RPL6: variants seen among roughly 807,000 people sequenced by gnomAD.
RPL6 encodes large ribosomal subunit protein eL6.
A neutral mutation model predicts 32.1 loss-of-function variants in RPL6; 1 was observed. The ratio of observed to expected loss-of-function variants is 0.03; its 90% CI spans 0.01 to 0.15. RPL6 has a LOEUF of 0.15. RPL6 is among the 10% of genes least tolerant of loss of function. The pLI, the probability that RPL6 is intolerant of heterozygous loss-of-function variation, is 1.00. For synonymous variants in RPL6, 126 were observed against 131.6 expected (o/e 0.96, Z 0.29); for missense variants, 275 against 354.6 (o/e 0.78, Z 1.80).
upstream of RPL6, among the ~76,000 whole-genome samples, chr12:112,410,830 C>T (rs1046181834): frequency 6.6e-6 from 1 of 152,058 alleles, no homozygotes; most frequent in Non-Finnish European, 1.5e-5. Flanking sequence ...CCGCCTCAGC[C>T]TCCCAAAGTG....
chr12:112,410,248 G>A (rs1321988029), upstream of RPL6: 2 of 224,332 alleles, frequency 8.9e-6, no homozygotes, highest in African/African-American at 4.6e-5. Flanking sequence ...GAGTCTTGGA[G>A]GTCTGGGCTG....
At chr12:112,409,533 C>A in intron 1 of RPL6, 54 bp downstream of exon 1, 1 of 398,510 alleles carries the variant, frequency 2.5e-6, no homozygotes, top group Non-Finnish European at 4.4e-6. Context: ...GTTCGGATGG[C>A]GAAGGATTGG....
At chr12:112,418,730 G>A (rs966616210) in exon 1 of RPL6, 39 of 358,736 alleles carry the variant, frequency 1.1e-4, no homozygotes, top group African/African-American at 8.1e-4. Flanking sequence ...GCTCACACCT[G>A]GCGGCCGCGG....
At chr12:112,417,182 G>A (rs1368291935) in intron 1 of RPL6, among the ~76,000 whole-genome samples, 5 of 151,682 alleles carry the variant, frequency 3.3e-5, no homozygotes, top group South Asian at 2.1e-4. Flanking sequence ...CTCAGCCTCC[G>A]GAGTAGCTGG....
At chr12:112,412,620 C>T (rs1440112685), upstream of RPL6, among the ~76,000 whole-genome samples, 2 of 151,984 alleles carry the variant, frequency 1.3e-5, no homozygotes, top group African/African-American at 4.8e-5. Flanking sequence ...GAGTACAGTG[C>T]ACACCACCAT....
intron 1 of RPL6, chr12:112,418,616 G>A (rs1054908564): frequency 2.8e-5 from 7 of 253,072 alleles, no homozygotes; most frequent in Non-Finnish European, 5.4e-5. Flanking sequence ...ATTTCCCCAA[G>A]GTTCCACAGC....
At position 112,408,324 on chromosome 12, in the gene RPL6, CTTT is replaced by C. The variant is rs1566143097; in HGVS notation, c.249_251del (p.Lys85del). ...TAACAGTTGCGAGAACCTTCTCCTT[CTTT>C]TTCTTTTCAACCTACAAGGACACAA... On this transcript the variant is annotated inframe_deletion, in exon 3 of 7. Coordinates refer to ENST00000202773, the MANE Select transcript of RPL6 (RefSeq NM_000970.6). The C allele has an allele frequency of 1.9e-6, 3 of 1,613,816 alleles. No individual in the cohort carries two copies. The South Asian group carries it at 3.3e-5, about 18-fold the overall frequency.
chr12:112,415,558 C>CA (rs1480038355), intron 1 of RPL6, among the ~76,000 whole-genome samples: 8 of 151,518 alleles, frequency 5.3e-5, no homozygotes, highest in Non-Finnish European at 7.4e-5. Context: ...ACTAAAGATA[C>CA]AAAAAAAATT....
chr12:112,409,385 G>A (rs138594032), intron 1 of RPL6: 74 of 397,964 alleles, frequency 1.9e-4, no homozygotes, highest in Non-Finnish European at 2.8e-4. Flanking sequence ...AGAACCGGAG[G>A]GAGCCACTAC....
At chr12:112,417,721 G>A (rs1172169476) in intron 1 of RPL6, among the ~76,000 whole-genome samples, 3 of 151,232 alleles carry the variant, frequency 2.0e-5, no homozygotes, top group Admixed American at 1.3e-4. Context: ...GCAGTGGCGC[G>A]ATCTCGGCTT....
At chr12:112,405,547 A>C in intron 6 of RPL6, 171 bp from the exon 7 acceptor site, 1 of 722,956 alleles carries the variant, frequency 1.4e-6, no homozygotes, top group East Asian at 2.7e-5. Flanking sequence ...CCCATTTTTT[A>C]ATGTAATAAA....
At chr12:112,406,194 A>T (rs2233861) in intron 5 of RPL6, 100 bp downstream of exon 5, 295,551 of 1,235,424 alleles carry the variant, frequency 0.24, 55,051 homozygotes, top group East Asian at 0.83. Context: ...ACTTGTGGCA[A>T]TAAGTGTCTA....
In RPL6 at chr12:112,408,672, T is replaced by C. The variant is rs1231823600; in HGVS notation, c.1-16A>G. The C allele has an allele frequency of 2.6e-6, 4 of 1,556,852 alleles. No individual in the cohort carries two copies. In the Admixed American group the frequency reaches 6.1e-5, roughly 24 times the overall value. ...CACCCGCCATCTAAAAATATTTTTTTGTAGATAAAAAAAGGCATTTCACCA... is the reference window on the plus strand; with the variant it reads ...CACCCGCCATCTAAAAATATTTTTTCGTAGATAAAAAAAGGCATTTCACCA... On this transcript the variant is annotated splice_polypyrimidine_tract_variant and intron_variant, in intron 1 of 6. Transcript: ENST00000202773.
At chr12:112,408,051 C>T (rs2037229424) in intron 3 of RPL6, 189 bp downstream of exon 3, 1 of 596,574 alleles carries the variant, frequency 1.7e-6, no homozygotes. Context: ...AGGAACAAAG[C>T]ACAGACGAGT....
chr12:112,413,768 G>GTAAT (rs1223706045), upstream of RPL6, among the ~76,000 whole-genome samples: 1 of 151,506 alleles, frequency 6.6e-6, no homozygotes. Flanking sequence ...GCTCATGCCT[G>GTAAT]TAATCCTAGC....
chr12:112,409,293 G>A (rs374820267), intron 1 of RPL6: 1 of 391,936 alleles, frequency 2.6e-6, no homozygotes, highest in African/African-American at 2.1e-5. Flanking sequence ...TGCACGCGCC[G>A]TCTCCCCGCT....
rs915763216 is a variant in RPL6 at position 112,406,491 on chromosome 12, T to C, written c.481-149A>G. On this transcript the variant is annotated intron_variant, in intron 4 of 6. Coordinates refer to ENST00000202773, the MANE Select transcript of RPL6 (RefSeq NM_000970.6). The stretch of plus-strand genomic sequence containing the variant: ...AGTTCTGGAAGCAACCACAGCAAGC[T>C]ACTAAGGTAGTACTCCAGACATAAA... The C allele has an allele frequency of 3.7e-6, 3 of 807,210 alleles. No homozygotes were observed. The Admixed American group carries it at 8.0e-5, about 22-fold the overall frequency. The allele number at this position is 807,210 out of a possible 1,614,324, so 50.0% of individuals were successfully genotyped here.
upstream of RPL6, among the ~76,000 whole-genome samples, chr12:112,412,041 G>A (rs1169080033): frequency 6.6e-6 from 1 of 151,140 alleles, no homozygotes; most frequent in Non-Finnish European, 1.5e-5. Flanking sequence ...TACCACACCT[G>A]GCTAATTTTT....
chr12:112,415,042 G>A (rs1159416005), upstream of RPL6, among the ~76,000 whole-genome samples: 8 of 152,158 alleles, frequency 5.3e-5, no homozygotes, highest in Non-Finnish European at 2.9e-5. Context: ...CTAGAGAATC[G>A]GGTGAGGCTT....
Sources: gnomAD v4.1 joint callset for allele counts (sites outside exome capture counted in the v4.1 genomes callset) on GRCh38, gnomAD v4.1.1 for gene constraint, MANE v1.5 for transcripts, NCBI Gene and HGNC (gene_info 2026-07-23, HGNC 2026-07-21) for gene names.